ERMP1: variants seen among roughly 807,000 people sequenced by gnomAD.
ERMP1 encodes endoplasmic reticulum metallopeptidase 1, also known as Felix-ina.
Under a neutral mutation model 92.0 loss-of-function variants are expected in ERMP1, and 86 were observed. That is an observed-to-expected ratio of 0.93 (90% CI 0.79 to 1.12). The LOEUF is 1.12. Among genes scored for constraint, ERMP1 ranks in the 50% most tolerant of loss-of-function variants. The pLI is 0.00. For missense variants in ERMP1, 1,342 were observed against 1,116.3 expected (o/e 1.20, Z -2.88); for synonymous variants, 530 against 412.8 (o/e 1.28, Z -3.44).
chr9:5,809,231 A>G lies in ERMP1; in HGVS notation c.1548+780T>C, dbSNP rs1004466272. 4.6e-4 allele frequency among the ~76,000 whole-genome samples: 69 copies of G among 151,610 alleles called. 1 individual carries two copies. The highest frequency in any genetic ancestry group is 9.8e-4 in the East Asian group (5 of 5,118). On this transcript the variant is annotated intron_variant, in intron 8 of 14. Transcript: ENST00000339450. ...GAGACGGGGTTTCACCGTGTTAGCC[A>G]GGATGGTCTCGATCTCCTGACCTTG...
upstream of ERMP1, among the ~76,000 whole-genome samples, chr9:5,836,499 C>A (rs531178733): frequency 6.6e-6 from 1 of 152,172 alleles, no homozygotes; most frequent in Non-Finnish European, 1.5e-5. Flanking sequence ...GGATTCCAAA[C>A]GTGGAAGAGT....
intron 3 of ERMP1, 63 bp downstream of exon 3, chr9:5,825,029 T>A: frequency 1.4e-6 from 2 of 1,477,990 alleles, no homozygotes; most frequent in Non-Finnish European, 1.9e-6. Context: ...GTAAATAATA[T>A]TTAGCTATTA....
intron 13 of ERMP1, among the ~76,000 whole-genome samples, chr9:5,794,497 A>G (rs1425898089): frequency 6.6e-6 from 1 of 152,078 alleles, no homozygotes; most frequent in Non-Finnish European, 1.5e-5. Flanking sequence ...AAAATTGATA[A>G]CCCTTCAGCC....
chr9:5,832,776 C>G lies in ERMP1; in HGVS notation c.252G>C (p.Leu84=). Residue 84 remains leucine, a synonymous_variant, in exon 1 of 15, where the codon CTG becomes CTC. Coordinates refer to ENST00000339450, the MANE Select transcript of ERMP1 (RefSeq NM_024896.3). ...ALGLALYLIA[L]RTLVQLSLQQ... is the part of the protein sequence containing the mutation. ...GCAGCGAGAGCTGCACCAGCGTCCGCAGCGCGATCAGGTAGAGCGCGAGCC... is the reference window on the plus strand; with the variant it reads ...GCAGCGAGAGCTGCACCAGCGTCCGGAGCGCGATCAGGTAGAGCGCGAGCC... 1 of 1,500,330 alleles carries G rather than the reference C, an allele frequency of 6.7e-7. No homozygotes were observed. The highest frequency in any genetic ancestry group is 8.8e-7 in the Non-Finnish European group (1 of 1,132,924). The allele number at this position is 1,500,330 out of a possible 1,614,324, so 92.9% of individuals were successfully genotyped here.
intron 8 of ERMP1, among the ~76,000 whole-genome samples, chr9:5,809,504 T>A (rs1274115474): frequency 3.9e-5 from 6 of 152,122 alleles, no homozygotes; most frequent in Non-Finnish European, 5.9e-5. Flanking sequence ...AATATACAGT[T>A]AAAAAGAAAA....
chr9:5,847,667 G>T (rs952450673), intron 6 of ERMP1, among the ~76,000 whole-genome samples: 1 of 152,080 alleles, frequency 6.6e-6, no homozygotes, highest in Non-Finnish European at 1.5e-5. Flanking sequence ...AGGCCAAGGC[G>T]GGCGGATCAT....
At chr9:5,813,586 A>G (rs1829190623) in intron 4 of ERMP1, among the ~76,000 whole-genome samples, 1 of 152,102 alleles carries the variant, frequency 6.6e-6, no homozygotes, top group Admixed American at 6.5e-5. Flanking sequence ...GAAATGCTCC[A>G]ATGAACATTT....
At chr9:5,842,202 G>A (rs1315351107) in intron 6 of ERMP1, among the ~76,000 whole-genome samples, 1 of 152,094 alleles carries the variant, frequency 6.6e-6, no homozygotes, top group Non-Finnish European at 1.5e-5. Flanking sequence ...ACTTGGCCCC[G>A]CCCACATCCT....
intron 13 of ERMP1, among the ~76,000 whole-genome samples, chr9:5,794,873 G>A (rs1828350926): frequency 6.6e-6 from 1 of 152,110 alleles, no homozygotes; most frequent in African/African-American, 2.4e-5. Context: ...GAAGACAGAA[G>A]CAGAGGGAAT....
At chr9:5,849,710 C>T (rs1444022666) in intron 6 of ERMP1, among the ~76,000 whole-genome samples, 1 of 152,150 alleles carries the variant, frequency 6.6e-6, no homozygotes, top group East Asian at 1.9e-4. Context: ...ATTTCAGAGC[C>T]ACATGTGTTA....
At chr9:5,814,814 G>T (rs187198764) in intron 4 of ERMP1, among the ~76,000 whole-genome samples, 8 of 152,242 alleles carry the variant, frequency 5.3e-5, no homozygotes, top group African/African-American at 1.9e-4. Context: ...CCAGATACTG[G>T]AGTTACCAGA....
chr9:5,817,624 A>G (rs1829367728), intron 4 of ERMP1, among the ~76,000 whole-genome samples: 1 of 152,224 alleles, frequency 6.6e-6, no homozygotes, highest in Admixed American at 6.5e-5. Flanking sequence ...TCTAAATCCT[A>G]TGATGCTTCC....
At chr9:5,841,322 T>C (rs755411861) in intron 6 of ERMP1, among the ~76,000 whole-genome samples, 21 of 152,310 alleles carry the variant, frequency 1.4e-4, no homozygotes, top group Non-Finnish European at 1.5e-4. Flanking sequence ...CTTGAAAACA[T>C]TGTGCTAAGT....
Position 5,785,393 on chromosome 9 carries a change from C to T in ERMP1, c.*1751G>A, listed in dbSNP as rs1324552148. On this transcript the variant is annotated 3_prime_UTR_variant, in exon 15 of 15. Transcript: ENST00000339450. ...TGTGATTCTATACAAAATATAAACC[C>T]TGCAAACCTTATGTGCTACCTGACA... 6.6e-6 allele frequency: 1 copy of T among 152,158 alleles called. No homozygotes were observed. The highest frequency in any genetic ancestry group is 1.5e-5 in the Non-Finnish European group (1 of 68,028). The allele number at this position is 152,158 out of a possible 1,614,324, so 9.4% of individuals were successfully genotyped here. A position where few individuals can be genotyped will look rare whatever the true frequency, so the allele number is the denominator to read the frequency against.
chr9:5,787,561 G>T lies in ERMP1; in HGVS notation c.2419C>A (p.His807Asn). 6.2e-7 allele frequency: 1 copy of T among 1,613,884 alleles called. No homozygotes were observed. Among genetic ancestry groups the T allele is most frequent in the Non-Finnish European group, 8.5e-7 (1 of 1,179,890 alleles). ...PSHMSFYVRA[H>N]KGSTLSQWSL... ...CACTGAGAAAGTGTTGACCCTTTGT[G>T]GGCTCGAACATAGAAGGACATATGG... is the stretch of plus-strand genomic sequence containing the variant. The change falls in exon 14 of 15, where the codon CAC becomes AAC. Residue 807 changes from histidine to asparagine, a missense_variant. Coordinates refer to ENST00000339450, the MANE Select transcript of ERMP1 (RefSeq NM_024896.3).
chr9:5,787,868 A>G (rs952331687), intron 13 of ERMP1, among the ~76,000 whole-genome samples: 4 of 152,228 alleles, frequency 2.6e-5, no homozygotes, highest in South Asian at 2.1e-4. Flanking sequence ...AATTTAATCT[A>G]TGTCACAATT....
intron 3 of ERMP1, among the ~76,000 whole-genome samples, chr9:5,824,437 CTG>C (rs776729499): frequency 1.3e-5 from 2 of 152,126 alleles, no homozygotes; most frequent in Non-Finnish European, 2.9e-5. Context: ...GAAACAGAGC[CTG>C]TGGCCCAGGC....
chr9:5,821,339 G>C (rs1049514677), intron 4 of ERMP1, among the ~76,000 whole-genome samples: 1 of 152,108 alleles, frequency 6.6e-6, no homozygotes, highest in Non-Finnish European at 1.5e-5. Context: ...ACACAGCCCA[G>C]TTCTACCAGC....
At position 5,797,871 on chromosome 9, in the gene ERMP1, T is replaced by C. The variant is rs1416759628; in HGVS notation, c.2332A>G (p.Ile778Val). The C allele has an allele frequency of 1.2e-6, 2 of 1,613,890 alleles. No individual in the cohort carries two copies. Among genetic ancestry groups the C allele is most frequent in the Admixed American group, 3.3e-5 (2 of 59,986 alleles). Residue 778 changes from isoleucine (I) to valine (V), a missense_variant, in exon 13 of 15, where the codon ATA (isoleucine) becomes GTA (valine). By Grantham distance (29) the Ile-to-Val change is conservative. Transcript: ENST00000339450. ...SPRNPPHFRL[I>V]SKEQTPWDSI... is the part of the protein sequence containing the mutation. ...TCCCAAGGTGTCTGTTCTTTGGATA[T>C]GAGTCGGAAATGAGGAGGATTTCTT...
Sources: allele counts gnomAD v4.1 joint callset (sites outside exome capture counted in the v4.1 genomes callset), GRCh38; gene constraint gnomAD v4.1.1; transcripts MANE v1.5; gene names NCBI Gene and HGNC (gene_info 2026-07-23, HGNC 2026-07-21).